The following STARD9 variants were observed in gnomAD, a reference collection of about 807,000 sequenced individuals.
The protein encoded by STARD9 is StAR related lipid transfer domain containing 9, also known as stAR-related lipid transfer protein 9.
In STARD9, 346 loss-of-function variants were observed where a neutral mutation model predicts 399.8. The ratio of observed to expected loss-of-function variants is 0.87; its 90% confidence interval spans 0.79 to 0.95. The LOEUF (loss-of-function observed/expected upper bound fraction) is 0.95. Among genes scored for constraint, STARD9 ranks in the 40% least tolerant of loss-of-function variants. STARD9 has a pLI of 0.00. For missense variants in STARD9, 5,832 were observed against 5,667.5 expected, an observed-to-expected ratio of 1.03 and a Z score of -0.93; for synonymous variants, 2,203 against 2,143.5, an observed-to-expected ratio of 1.03 and a Z score of -0.77.
rs536561689 is a variant in STARD9, at chr15:42,619,951, A to G, written c.235-14905A>G. Among the ~76,000 whole-genome samples the G allele has an allele frequency of 1.6e-4, 25 of 152,370 alleles. 1 individual carries two copies. The South Asian group carries it at 3.7e-3, about 23-fold the overall frequency. On this transcript the variant is annotated intron_variant, in intron 3 of 32. Coordinates refer to ENST00000290607, the MANE Select transcript of STARD9 (RefSeq NM_020759.3). ...TAAACGAGAGGCCTTTATTCAGATC[A>G]GCAGGAGGGGTTTCCTCCAGTAGGA...
chr15:42,588,776 G>GTT lies in STARD9; in HGVS notation c.234+3177_234+3178dup, dbSNP rs758570571. 7.8e-5 allele frequency among the ~76,000 whole-genome samples: 3 copies of GTT among 38,414 alleles called. 1 individual carries two copies. The highest frequency in any genetic ancestry group is 2.4e-4 in the African/African-American group (2 of 8,456). 25.2% of individuals were successfully genotyped at this position (38,414 alleles called of 152,430 possible). ...TAACCCAGTTTATCCTCTTCACAGC[G>GTT]TTTTTTTTTTTTTTTTTTTTTTTTT... On this transcript the variant is annotated intron_variant, in intron 3 of 32. Coordinates refer to ENST00000290607, the MANE Select transcript of STARD9 (RefSeq NM_020759.3).
chr15:42,670,881 T>G (rs2060190072), intron 16 of STARD9: 3 of 152,216 alleles, frequency 2.0e-5, no homozygotes, highest in South Asian at 4.1e-4. Flanking sequence ...AATGGCTGTA[T>G]AGATCCTCCC....
chr15:42,682,121 A>C lies in STARD9; in HGVS notation c.2083A>C (p.Arg695=). The C allele has an allele frequency of 6.5e-7, 1 of 1,536,982 alleles. No individual in the cohort carries two copies. The highest frequency in any genetic ancestry group is 8.7e-7 in the Non-Finnish European group (1 of 1,146,726). The change falls in exon 22 of 33, where the codon AGA becomes CGA. Residue 695 remains arginine (R), a synonymous_variant. Transcript: ENST00000290607. The stretch of plus-strand genomic sequence containing the variant: ...GTTCCCAGACCAGCAGTGTCTGCTC[A>C]GAGAAGAGACCTGGCTGGCCAGCTT... ...QIKENQQCLL[R]EETWLASLQQ...
chr15:42,589,272 G>T (rs1435854651), intron 3 of STARD9, among the ~76,000 whole-genome samples: 1 of 151,858 alleles, frequency 6.6e-6, no homozygotes, highest in Admixed American at 6.6e-5. Context: ...GGCTGGTCTT[G>T]AGCTCCTGGG....
At chr15:42,703,993 C>T (rs181083913) in intron 26 of STARD9, among the ~76,000 whole-genome samples, 18 of 152,142 alleles carry the variant, frequency 1.2e-4, no homozygotes, top group Admixed American at 2.6e-4. Flanking sequence ...CGGCAACCTC[C>T]GCCTCCCGGG....
At chr15:42,616,611 G>A (rs1326451676) in intron 3 of STARD9, among the ~76,000 whole-genome samples, 4 of 152,116 alleles carry the variant, frequency 2.6e-5, no homozygotes, top group Non-Finnish European at 4.4e-5. Context: ...TTAGAGAATG[G>A]CCGGGTGCAG....
At chr15:42,621,192 C>T (rs1383995208) in intron 3 of STARD9, among the ~76,000 whole-genome samples, 1 of 152,066 alleles carries the variant, frequency 6.6e-6, no homozygotes, top group East Asian at 1.9e-4. Context: ...TGTAAAGTTA[C>T]TCTTTCTCTT....
intron 3 of STARD9, among the ~76,000 whole-genome samples, chr15:42,608,182 G>T (rs552417684): frequency 6.6e-6 from 1 of 152,282 alleles, no homozygotes; most frequent in East Asian, 1.9e-4. Context: ...TGCCACAGAC[G>T]AGTGTGGTTA....
At chr15:42,701,427 T>C (rs904746966) in intron 26 of STARD9, among the ~76,000 whole-genome samples, 4 of 152,230 alleles carry the variant, frequency 2.6e-5, no homozygotes, top group African/African-American at 9.7e-5. Context: ...CATCCGTGTT[T>C]TACGGTTTTC....
Position 42,585,569 on chromosome 15 carries a change from G to C in STARD9, c.166G>C (p.Ala56Pro). Reference protein sequence around the residue: ...GFGDSREKVMAFGFDYCYWSV... With the variant: ...GFGDSREKVMPFGFDYCYWSV... ...TGGGGACTCCCGGGAGAAGGTTATGGCATTTGGCTTTGATTACTGCTACTG... is the reference window on the plus strand; with the variant it reads ...TGGGGACTCCCGGGAGAAGGTTATGCCATTTGGCTTTGATTACTGCTACTG... The change falls in exon 3 of 33, where the codon GCA becomes CCA. Residue 56 changes from alanine to proline, a missense_variant. Transcript: ENST00000290607. The C allele has an allele frequency of 6.5e-7, 1 of 1,537,172 alleles. No homozygotes were observed. The highest frequency in any genetic ancestry group is 1.4e-5 in the African/African-American group (1 of 73,158).
chr15:42,605,043 C>T (rs184069092), intron 3 of STARD9, among the ~76,000 whole-genome samples: 2 of 152,120 alleles, frequency 1.3e-5, no homozygotes, highest in African/African-American at 2.4e-5. Context: ...TAAATTTAAC[C>T]TCACAGCTTG....
intron 3 of STARD9, among the ~76,000 whole-genome samples, chr15:42,623,479 C>G (rs989484298): frequency 6.6e-6 from 1 of 152,144 alleles, no homozygotes; most frequent in African/African-American, 2.4e-5. Flanking sequence ...GTTTTTCAAA[C>G]CTCTCTCAGT....
Position 42,675,647 on chromosome 15 carries a change from T to G in STARD9, c.1688-17T>G. The G allele has an allele frequency of 6.5e-7, 1 of 1,531,360 alleles. No homozygotes were observed. Among genetic ancestry groups the G allele is most frequent in the Non-Finnish European group, 8.8e-7 (1 of 1,141,832 alleles). 94.9% of individuals were successfully genotyped at this position (1,531,360 alleles called of 1,614,324 possible). On this transcript the variant is annotated splice_polypyrimidine_tract_variant and intron_variant, in intron 18 of 32. Transcript: ENST00000290607. ...CATGAGCTGTTGATTGAATTCTCATTTGTCTCTGTGCTGCAGGAGCTGTCA... is the reference window on the plus strand; with the variant it reads ...CATGAGCTGTTGATTGAATTCTCATGTGTCTCTGTGCTGCAGGAGCTGTCA...
rs1397167459 is a variant in STARD9 at position 42,712,462 on chromosome 15, T to G, written c.13285-4215T>G. Among the ~76,000 whole-genome samples, 9 of 152,204 alleles carry G rather than the reference T, an allele frequency of 5.9e-5. No homozygotes were observed. In the South Asian group the frequency reaches 1.0e-3, roughly 18 times the overall value. ...TTATGCTTTTAGCTTCCACATTGCATTCTTTGGCCCATTTTGAGTTAATTC... is the reference window on the plus strand; with the variant it reads ...TTATGCTTTTAGCTTCCACATTGCAGTCTTTGGCCCATTTTGAGTTAATTC... On this transcript the variant is annotated intron_variant, in intron 26 of 32. Transcript: ENST00000290607.
Position 42,686,565 on chromosome 15 carries a change from A to G in STARD9, c.4987A>G (p.Thr1663Ala). The G allele has an allele frequency of 6.5e-7, 1 of 1,537,542 alleles. No individual in the cohort carries two copies. Among genetic ancestry groups the G allele is most frequent in the South Asian group, 1.2e-5 (1 of 84,066 alleles). ...NACHSNVTTA[T>A]KADHWSQGWA... Reference sequence around the variant, plus strand: ...TTGTCACAGTAATGTCACTACAGCCACCAAAGCAGACCATTGGTCCCAAGG... The same window carrying G: ...TTGTCACAGTAATGTCACTACAGCCGCCAAAGCAGACCATTGGTCCCAAGG... Residue 1663 changes from threonine (T) to alanine (A), a missense_variant, in exon 23 of 33, where the codon ACC becomes GCC. Around this residue, in one of 2 missense-constraint regions of STARD9, gnomAD observed 5,828 missense variants for 5,651.1 expected, o/e 1.03. Coordinates refer to ENST00000290607, the MANE Select transcript of STARD9 (RefSeq NM_020759.3).
intron 16 of STARD9, chr15:42,674,019 A>G (rs778376280): frequency 2.2e-6 from 1 of 457,626 alleles, no homozygotes; most frequent in Non-Finnish European, 4.4e-6. Context: ...ATTGAGACTT[A>G]CTGGATCAAA....
At chr15:42,696,678 G>T (rs186637951) in intron 26 of STARD9, among the ~76,000 whole-genome samples, 1 of 152,202 alleles carries the variant, frequency 6.6e-6, no homozygotes, top group African/African-American at 2.4e-5. Flanking sequence ...ATGATTGCTT[G>T]CTTCAGGGCA....
rs576967888 is a variant in STARD9 at position 42,624,400 on chromosome 15, A to G, written c.235-10456A>G. Among the ~76,000 whole-genome samples the G allele has an allele frequency of 3.9e-5, 6 of 152,074 alleles. No homozygotes were observed. In the East Asian group the frequency reaches 1.2e-3, roughly 29 times the overall value. On this transcript the variant is annotated intron_variant, in intron 3 of 32. Coordinates refer to ENST00000290607, the MANE Select transcript of STARD9 (RefSeq NM_020759.3). ...ATATTTAGGTATTCTTAATTACTGT[A>G]TTTACATCAGAATTTAAGATCTTGA...
At chr15:42,577,430 G>A (rs1235037956) in intron 1 of STARD9, among the ~76,000 whole-genome samples, 1 of 152,222 alleles carries the variant, frequency 6.6e-6, no homozygotes, top group Non-Finnish European at 1.5e-5. Context: ...TAGGATTAGA[G>A]GCGTGAGCCA....
Sources: allele counts gnomAD v4.1 joint callset (sites outside exome capture counted in the v4.1 genomes callset), GRCh38; gene constraint gnomAD v4.1.1; regional missense constraint gnomAD v4.1.1; transcripts MANE v1.5; gene names NCBI Gene and HGNC (gene_info 2026-07-23, HGNC 2026-07-21).